The following PDGFC variants were observed in gnomAD, a reference collection of about 807,000 sequenced individuals.
PDGFC encodes platelet derived growth factor C, also known as platelet-derived growth factor C.
Under a neutral mutation model 35.5 loss-of-function variants are expected in PDGFC, and 12 were observed. The ratio of observed to expected loss-of-function variants is 0.34; its 90% CI spans 0.22 to 0.55. The LOEUF is 0.55. Among genes scored for constraint, PDGFC ranks in the 20% least tolerant of loss-of-function variants. The pLI, the probability that PDGFC is intolerant of heterozygous loss-of-function variation, is 0.91. For missense variants in PDGFC, 322 were observed against 412.4 expected, an observed-to-expected ratio of 0.78 and a Z score of 1.90; for synonymous variants, 159 against 148.8, an observed-to-expected ratio of 1.07 and a Z score of -0.50.
intron 1 of PDGFC, among the ~76,000 whole-genome samples, chr4:156,856,071 G>A (rs1293006917): frequency 2.0e-5 from 3 of 152,048 alleles, no homozygotes; most frequent in Non-Finnish European, 4.4e-5. Context: ...ATGGGCTAGA[G>A]GGAAAAGAGA....
At chr4:156,933,101 C>A (rs1003050904) in intron 1 of PDGFC, among the ~76,000 whole-genome samples, 1 of 151,210 alleles carries the variant, frequency 6.6e-6, no homozygotes, top group Admixed American at 6.6e-5. Flanking sequence ...CTCACCTGTA[C>A]AAGAAAGTCA....
chr4:156,833,455 G>A (rs1425594015), intron 2 of PDGFC, among the ~76,000 whole-genome samples: 3 of 152,138 alleles, frequency 2.0e-5, no homozygotes, highest in Non-Finnish European at 4.4e-5. Context: ...GAACATAAAT[G>A]CCTGTTTGCA....
chr4:156,864,608 T>A (rs1729790964), intron 1 of PDGFC, among the ~76,000 whole-genome samples: 1 of 152,196 alleles, frequency 6.6e-6, no homozygotes, highest in Non-Finnish European at 1.5e-5. Flanking sequence ...ATGGCCTTTT[T>A]CTGTGCTGGA....
intron 3 of PDGFC, among the ~76,000 whole-genome samples, chr4:156,777,431 ATAAGG>A (rs1412378302): frequency 6.6e-6 from 1 of 152,186 alleles, no homozygotes; most frequent in Non-Finnish European, 1.5e-5. Flanking sequence ...GATCAGTAAA[ATAAGG>A]TAACTAGGGT....
At chr4:156,825,581 T>TAAGAAGAAGAAGAAGAAG (rs1485958597) in intron 2 of PDGFC, among the ~76,000 whole-genome samples, 9 of 92,608 alleles carry the variant, frequency 9.7e-5, no homozygotes, top group East Asian at 6.1e-4. Flanking sequence ...ATAATAATAA[T>TAAGAAGAAGAAGAAGAAG]AATAATAATA....
intron 1 of PDGFC, among the ~76,000 whole-genome samples, chr4:156,900,920 AGAGGAAGT>A (rs1730754771): frequency 9.2e-6 from 1 of 108,784 alleles, no homozygotes; most frequent in Non-Finnish European, 1.8e-5. Flanking sequence ...AGGGAGGGAG[AGAGGAAGT>A]GAGGGAGGGA....
Position 156,957,704 on chromosome 4 carries a change from G to A in PDGFC, c.118+13082C>T, listed in dbSNP as rs544467036. The stretch of plus-strand genomic sequence containing the variant: ...GGCTGCCTGCATAGCTGGGATGGGC[G>A]GGTGGATAAAGGAGCTCACAATAAA... On this transcript the variant is annotated intron_variant, in intron 1 of 5. Coordinates refer to ENST00000502773, the MANE Select transcript of PDGFC (RefSeq NM_016205.3). Among the ~76,000 whole-genome samples, 8 of 151,986 alleles carry A rather than the reference G, an allele frequency of 5.3e-5. No homozygotes were observed. In the East Asian group the frequency reaches 7.8e-4, roughly 15 times the overall value.
rs1018149285 is a variant in PDGFC at position 156,761,696 on chromosome 4, C to T, written c.*1394G>A. On this transcript the variant is annotated 3_prime_UTR_variant, in exon 6 of 6. Transcript: ENST00000502773. ...AAATAGTCACCACATAACCTAGGCA[C>T]GATATTAAGCATTTTACAAGCAAAA... 5 of 152,428 alleles carry T rather than the reference C, an allele frequency of 3.3e-5. No homozygotes were observed. Among genetic ancestry groups the T allele is most frequent in the East Asian group, 1.9e-4 (1 of 5,184 alleles). The allele number at this position is 152,428 out of a possible 1,614,324, so 9.4% of individuals were successfully genotyped here.
intron 1 of PDGFC, among the ~76,000 whole-genome samples, chr4:156,862,248 G>C (rs1468674566): frequency 6.6e-6 from 1 of 152,178 alleles, no homozygotes; most frequent in South Asian, 2.1e-4. Flanking sequence ...CTGCACAGAA[G>C]TGTTTGACAA....
chr4:156,894,252 T>C (rs1730579490), intron 1 of PDGFC, among the ~76,000 whole-genome samples: 1 of 152,194 alleles, frequency 6.6e-6, no homozygotes, highest in African/African-American at 2.4e-5. Flanking sequence ...GTTCAAAACC[T>C]TTTCAGAAAC....
intron 3 of PDGFC, among the ~76,000 whole-genome samples, chr4:156,775,298 C>T (rs1730800396): frequency 6.6e-6 from 1 of 152,016 alleles, no homozygotes; most frequent in African/African-American, 2.4e-5. Flanking sequence ...TATATGTATA[C>T]AAATGTTTTA....
At chr4:156,834,192 T>G (rs977918364) in intron 2 of PDGFC, among the ~76,000 whole-genome samples, 2 of 152,226 alleles carry the variant, frequency 1.3e-5, no homozygotes, top group East Asian at 3.8e-4. Flanking sequence ...TCTTGAGACA[T>G]GTAAACAAAT....
At chr4:156,924,888 CAA>C (rs1310642627) in intron 1 of PDGFC, among the ~76,000 whole-genome samples, 1 of 151,836 alleles carries the variant, frequency 6.6e-6, no homozygotes, top group African/African-American at 2.4e-5. Context: ...TGCTGGGCAG[CAA>C]AAAAGAGGCT....
intron 1 of PDGFC, chr4:156,886,784 G>C (rs887038293): frequency 6.6e-6 from 1 of 152,222 alleles, no homozygotes; most frequent in Non-Finnish European, 1.5e-5. Context: ...ATGTGAGGAG[G>C]TGATGCTGGA....
intron 1 of PDGFC, among the ~76,000 whole-genome samples, chr4:156,951,745 A>C (rs1049570113): frequency 1.3e-5 from 2 of 150,990 alleles, no homozygotes; most frequent in African/African-American, 4.9e-5. Context: ...AAAAAAAAAA[A>C]ACAAAAAACC....
intron 1 of PDGFC, among the ~76,000 whole-genome samples, chr4:156,915,133 AACT>A (rs1731128772): frequency 6.6e-6 from 1 of 152,216 alleles, no homozygotes; most frequent in Non-Finnish European, 1.5e-5. Context: ...AAAAGTTATC[AACT>A]ACCAAATGCA....
rs972950899 is a variant in PDGFC at position 156,810,177 on chromosome 4, T to C, written c.495+660A>G. 1.1e-4 allele frequency among the ~76,000 whole-genome samples: 17 copies of C among 151,760 alleles called. 1 individual carries two copies. Among genetic ancestry groups the C allele is most frequent in the Non-Finnish European group, 1.5e-5 (1 of 67,858 alleles). On this transcript the variant is annotated intron_variant, in intron 3 of 5. Transcript: ENST00000502773. ...ATCATTAACATTTTTCATTTACAGG[T>C]AGAATTGTTACATTTTATTAAATAA...
chr4:156,831,045 G>A (rs1356705610), intron 2 of PDGFC, among the ~76,000 whole-genome samples: 1 of 152,048 alleles, frequency 6.6e-6, no homozygotes, highest in Non-Finnish European at 1.5e-5. Context: ...AATAATCTTT[G>A]TATCCCCAAT....
chr4:156,930,381 C>G (rs1731522116), intron 1 of PDGFC, among the ~76,000 whole-genome samples: 1 of 152,176 alleles, frequency 6.6e-6, no homozygotes, highest in South Asian at 2.1e-4. Flanking sequence ...CTTAATCAAT[C>G]TGTAGGATCT....
Sources: gnomAD v4.1 joint callset for allele counts (sites outside exome capture counted in the v4.1 genomes callset) on GRCh38, gnomAD v4.1.1 for gene constraint, MANE v1.5 for transcripts, NCBI Gene and HGNC (gene_info 2026-07-23, HGNC 2026-07-21) for gene names.